The following HOOK1 variants were observed in gnomAD, a reference collection of about 807,000 sequenced individuals.
HOOK1 encodes protein Hook homolog 1.
HOOK1 carries 60 observed loss-of-function variants against 112.8 expected under a neutral mutation model. That is an observed-to-expected ratio of 0.53 (90% CI 0.43 to 0.66). The LOEUF (loss-of-function observed/expected upper bound fraction) is 0.66, where lower values mean the gene tolerates loss of function less well. Ranked by LOEUF, HOOK1 falls within the 30% of genes least tolerant of loss-of-function variation. The pLI is 0.00. For missense variants in HOOK1, 770 were observed against 856.0 expected, an observed-to-expected ratio of 0.90 and a Z score of 1.25; for synonymous variants, 294 against 283.8, an observed-to-expected ratio of 1.04 and a Z score of -0.36.
At chr1:59,852,584 T>A (rs2098407777) in intron 12 of HOOK1, among the ~76,000 whole-genome samples, 1 of 151,422 alleles carries the variant, frequency 6.6e-6, no homozygotes, top group Non-Finnish European at 1.5e-5. Flanking sequence ...ATTTTGTTGA[T>A]CTTTTCAAAT....
At chr1:59,820,274 A>G (rs2098384650) in intron 1 of HOOK1, among the ~76,000 whole-genome samples, 1 of 152,218 alleles carries the variant, frequency 6.6e-6, no homozygotes, top group Non-Finnish European at 1.5e-5. Flanking sequence ...CCAGGCCCTG[A>G]TATAGGTATA....
chr1:59,865,102 G>C, intron 17 of HOOK1, 61 bp from the exon 18 acceptor site: 1 of 999,060 alleles, frequency 1.0e-6, no homozygotes, highest in Non-Finnish European at 1.6e-6. Context: ...AAAGCAACTT[G>C]CCCAAGGTCC....
At chr1:59,817,878 G>C (rs2098382783) in intron 1 of HOOK1, among the ~76,000 whole-genome samples, 1 of 152,126 alleles carries the variant, frequency 6.6e-6, no homozygotes, top group South Asian at 2.1e-4. Context: ...TTTGGGATCA[G>C]AGCTCTTACA....
chr1:59,856,431 C>T (rs1210884223), intron 12 of HOOK1, among the ~76,000 whole-genome samples: 1 of 149,938 alleles, frequency 6.7e-6, no homozygotes, highest in Admixed American at 6.6e-5. Context: ...TTAGTCTAGT[C>T]TGTCTACCCA....
At chr1:59,860,940 AT>A (rs901831650) in intron 15 of HOOK1, among the ~76,000 whole-genome samples, 59 of 150,916 alleles carry the variant, frequency 3.9e-4, no homozygotes, top group African/African-American at 1.3e-3. Context: ...CGCCTGGCTA[AT>A]TTTTTTTTGT....
At chr1:59,830,559 T>C (rs892709176) in intron 3 of HOOK1, among the ~76,000 whole-genome samples, 3 of 152,166 alleles carry the variant, frequency 2.0e-5, no homozygotes, top group African/African-American at 4.8e-5. Flanking sequence ...TTCCATTCTT[T>C]TAATCTGCCT....
intron 7 of HOOK1, among the ~76,000 whole-genome samples, chr1:59,837,969 T>C (rs1306275037): frequency 6.6e-6 from 1 of 152,140 alleles, no homozygotes; most frequent in Admixed American, 6.6e-5. Context: ...CTTGAGATAG[T>C]TTGCTGAGAA....
At chr1:59,866,187 G>C (rs532900836) in intron 19 of HOOK1, among the ~76,000 whole-genome samples, 198 of 152,298 alleles carry the variant, frequency 1.3e-3, no homozygotes, top group Middle Eastern at 6.8e-3. Context: ...ATAGCTAATA[G>C]GGACTGTTTA....
intron 12 of HOOK1, among the ~76,000 whole-genome samples, chr1:59,855,320 A>G (rs116406626): frequency 0.078 from 11,933 of 152,026 alleles, 509 homozygotes; most frequent in African/African-American, 0.12. Context: ...CCCAGTGTCT[A>G]TTGCTCCCTT....
At chr1:59,851,963 G>A (rs983837721) in intron 12 of HOOK1, among the ~76,000 whole-genome samples, 1 of 151,498 alleles carries the variant, frequency 6.6e-6, no homozygotes, top group Non-Finnish European at 1.5e-5. Context: ...TTAATATGAT[G>A]TATTACATTG....
At position 59,865,205 on chromosome 1, in the gene HOOK1, A is replaced by G; in HGVS notation, c.1704A>G (p.Gln568=). 1.2e-6 allele frequency: 2 copies of G among 1,610,308 alleles called. No homozygotes were observed. The highest frequency in any genetic ancestry group is 1.7e-6 in the Non-Finnish European group (2 of 1,176,616). Residue 568 remains glutamine (Q), a synonymous_variant, in exon 18 of 22, where the codon CAA becomes CAG. Coordinates refer to ENST00000371208, the MANE Select transcript of HOOK1 (RefSeq NM_015888.6). ...TCCATGAAGAATTACAGAAGAAACA[A>G]GAACTCATTGAAGATCTTCAGCCAG... is the stretch of plus-strand genomic sequence containing the variant. The part of the protein sequence containing the change: ...TEVHEELQKK[Q]ELIEDLQPDI...
At chr1:59,842,372 A>G (rs1194896664) in intron 8 of HOOK1, among the ~76,000 whole-genome samples, 1 of 152,140 alleles carries the variant, frequency 6.6e-6, no homozygotes, top group Non-Finnish European at 1.5e-5. Flanking sequence ...TATGCATGAC[A>G]GGTAATAGTA....
At chr1:59,839,112 A>G (rs2098399591) in intron 7 of HOOK1, among the ~76,000 whole-genome samples, 1 of 152,122 alleles carries the variant, frequency 6.6e-6, no homozygotes, top group Non-Finnish European at 1.5e-5. Flanking sequence ...CTTGTAGTAA[A>G]GTTTGAAGTC....
intron 13 of HOOK1, 111 bp from the exon 14 acceptor site, chr1:59,858,874 G>C (rs2098412056): frequency 1.8e-6 from 1 of 551,252 alleles, no homozygotes; most frequent in Non-Finnish European, 3.2e-6. Flanking sequence ...TGGACAGAGA[G>C]AGACCCTATC....
intron 9 of HOOK1, among the ~76,000 whole-genome samples, chr1:59,846,795 T>A (rs1016130214): frequency 3.3e-5 from 5 of 151,454 alleles, no homozygotes; most frequent in African/African-American, 1.2e-4. Flanking sequence ...GTTGTTTAAT[T>A]TACAAAGATT....
rs1429838522 is a variant in HOOK1 at position 59,836,895 on chromosome 1, G to GGAAA, written c.497_498insGAAA (p.Ser166ArgfsTer7). 2 of 1,589,446 alleles carry GGAAA rather than the reference G, an allele frequency of 1.3e-6. No individual in the cohort carries two copies. The highest frequency in any genetic ancestry group is 2.7e-5 in the African/African-American group (2 of 74,432). ...TAGTTGATGAGTAAAGAAATATTGA[G>GGAAA]CTCTCCTCCAAATGATGCTGTTGGA... On this transcript the variant is annotated frameshift_variant, in exon 7 of 22. Transcript: ENST00000371208. LOFTEE classifies it high-confidence loss of function.
rs1247797395 is a variant in HOOK1, at chr1:59,815,143, A to T, written c.26A>T (p.Gln9Leu). 5 of 1,543,092 alleles carry T rather than the reference A, an allele frequency of 3.2e-6. No homozygotes were observed. The highest frequency in any genetic ancestry group is 4.4e-6 in the Non-Finnish European group (5 of 1,146,514). Reference protein sequence around the residue: MEETQPPPQPKLPLCDSLM... With the variant: MEETQPPPLPKLPLCDSLM... ...ATGGAGGAGACGCAGCCGCCGCCGC[A>T]GCCTAAGCTGCCCCTGTGCGACAGC... Residue 9 changes from glutamine to leucine, a missense_variant, in exon 1 of 22, where the codon CAG (glutamine) becomes CTG (leucine). Gln to Leu is a moderately radical substitution (Grantham distance 113). Coordinates refer to ENST00000371208, the MANE Select transcript of HOOK1 (RefSeq NM_015888.6).
At chr1:59,832,944 A>C (rs2098395056) in intron 4 of HOOK1, among the ~76,000 whole-genome samples, 1 of 150,904 alleles carries the variant, frequency 6.6e-6, no homozygotes, top group Non-Finnish European at 1.5e-5. Context: ...AAATAAGAAA[A>C]AGAAAGATAA....
chr1:59,847,144 A>C lies in HOOK1; in HGVS notation c.888A>C (p.Ala296=), dbSNP rs2098404479. ...GGAATGATGAATTGACTAGTCTTGC[A>C]GAAGAAACAAGAGCCCTGAAAGATG... ...QHRNDELTSL[A]EETRALKDEI... Residue 296 remains alanine, a synonymous_variant, in exon 10 of 22, where the codon GCA becomes GCC. Transcript: ENST00000371208. The C allele has an allele frequency of 6.2e-7, 1 of 1,605,448 alleles. No individual in the cohort carries two copies.
Sources: gnomAD v4.1 joint callset for allele counts (sites outside exome capture counted in the v4.1 genomes callset) on GRCh38, gnomAD v4.1.1 for gene constraint, MANE v1.5 for transcripts, NCBI Gene and HGNC (gene_info 2026-07-23, HGNC 2026-07-21) for gene names.